The following PALM2AKAP2 variants were observed in gnomAD, a reference collection of about 807,000 sequenced individuals.
PALM2AKAP2 encodes PALM2 and AKAP2 fusion, also known as PALM2-AKAP2 fusion protein.
A neutral mutation model predicts 71.5 loss-of-function variants in PALM2AKAP2; 37 were observed. That is an observed-to-expected ratio of 0.52 (90% CI 0.40 to 0.68). PALM2AKAP2 has a LOEUF of 0.68. PALM2AKAP2 is among the 30% of genes least tolerant of loss of function. The probability of loss-of-function intolerance (pLI) is 0.00; values close to 1 mark genes in which losing one functional copy is unlikely to be tolerated. For synonymous variants in PALM2AKAP2, 468 were observed against 478.8 expected (o/e 0.98, Z 0.29); for missense variants, 1,224 against 1,191.8 (o/e 1.03, Z -0.40).
chr9:110,099,949 G>C (rs958440264), intron 1 of PALM2AKAP2, among the ~76,000 whole-genome samples: 1 of 151,038 alleles, frequency 6.6e-6, no homozygotes, highest in Non-Finnish European at 1.5e-5. Flanking sequence ...GAGAGCTGGA[G>C]GGGGAGGGGG....
At chr9:109,688,123 T>C (rs750361418) in intron 1 of PALM2AKAP2, among the ~76,000 whole-genome samples, 5 of 152,180 alleles carry the variant, frequency 3.3e-5, no homozygotes, top group South Asian at 2.1e-4. Flanking sequence ...ATGATAATGA[T>C]GAAAAAGTTG....
intron 1 of PALM2AKAP2, among the ~76,000 whole-genome samples, chr9:110,080,089 A>G (rs1834415324): frequency 6.6e-6 from 1 of 151,606 alleles, no homozygotes; most frequent in African/African-American, 2.4e-5. Context: ...AAAAAAAAAA[A>G]AAAAAATAGA....
At position 109,791,967 on chromosome 9, in the gene PALM2AKAP2, C is replaced by G. The variant is rs530369205; in HGVS notation, c.45+11434C>G. The stretch of plus-strand genomic sequence containing the variant: ...CTGTCTCAATGACCCTCCCCCTCTA[C>G]CCCCAGCCTGGGCCACCAGTTTTCC... On this transcript the variant is annotated intron_variant, in intron 1 of 9. Transcript: ENST00000302798. 1.4e-4 allele frequency among the ~76,000 whole-genome samples: 22 copies of G among 152,274 alleles called. No individual in the cohort carries two copies. In the East Asian group the frequency reaches 4.2e-3, roughly 29 times the overall value.
intron 1 of PALM2AKAP2, among the ~76,000 whole-genome samples, chr9:109,723,064 A>T (rs1480331433): frequency 1.3e-5 from 2 of 151,992 alleles, no homozygotes; most frequent in Non-Finnish European, 2.9e-5. Context: ...TATACTCTCA[A>T]CTTAGCCTTT....
Position 110,003,630 on chromosome 9 carries a change from T to A in PALM2AKAP2, c.497-12324T>A, listed in dbSNP as rs534995422. 4.3e-4 allele frequency among the ~76,000 whole-genome samples: 66 copies of A among 152,164 alleles called. 1 individual carries two copies. Among genetic ancestry groups the A allele is most frequent in the Middle Eastern group, 3.4e-3 (1 of 294 alleles). On this transcript the variant is annotated intron_variant, in intron 6 of 9. Transcript: ENST00000302798. Reference sequence around the variant, plus strand: ...GATCTGTCTAATGTTGACAGTGGGGTGTTAAATCTCCCATTATTATTGTGT... The same window carrying A: ...GATCTGTCTAATGTTGACAGTGGGGAGTTAAATCTCCCATTATTATTGTGT...
At chr9:109,961,425 A>G (rs576681222) in intron 6 of PALM2AKAP2, among the ~76,000 whole-genome samples, 2 of 152,366 alleles carry the variant, frequency 1.3e-5, no homozygotes, top group South Asian at 2.1e-4. Flanking sequence ...AGCTGGGATC[A>G]TGGAGCAGAA....
chr9:109,656,451 A>G (rs986259466), intron 1 of PALM2AKAP2, among the ~76,000 whole-genome samples: 1 of 152,196 alleles, frequency 6.6e-6, no homozygotes. Flanking sequence ...ACACATTACT[A>G]GGTCCCTTCC....
intron 1 of PALM2AKAP2, among the ~76,000 whole-genome samples, chr9:109,834,464 A>G (rs966014641): frequency 2.0e-5 from 3 of 152,182 alleles, no homozygotes; most frequent in African/African-American, 7.2e-5. Context: ...GTAGGTAAAT[A>G]TGATGGCACT....
intron 1 of PALM2AKAP2, among the ~76,000 whole-genome samples, chr9:109,822,158 G>T (rs1439711543): frequency 6.6e-6 from 1 of 152,212 alleles, no homozygotes; most frequent in African/African-American, 2.4e-5. Flanking sequence ...GGGCACAGGG[G>T]TGCCCCACAG....
chr9:109,891,916 T>C (rs1305746188), intron 3 of PALM2AKAP2, among the ~76,000 whole-genome samples: 3 of 152,198 alleles, frequency 2.0e-5, no homozygotes, highest in African/African-American at 7.2e-5. Flanking sequence ...GGATGGAGGG[T>C]GAAGACAATG....
intron 1 of PALM2AKAP2, among the ~76,000 whole-genome samples, chr9:109,742,922 G>A (rs74998098): frequency 0.043 from 6,492 of 152,256 alleles, 188 homozygotes; most frequent in Non-Finnish European, 0.053. Context: ...CAGACAGCCT[G>A]TTGCCAAGAC....
chr9:109,773,033 G>A (rs892288117), intron 1 of PALM2AKAP2, among the ~76,000 whole-genome samples: 6 of 152,206 alleles, frequency 3.9e-5, no homozygotes, highest in African/African-American at 1.2e-4. Context: ...CCGGAGAATG[G>A]CGTGAACCTG....
intron 1 of PALM2AKAP2, among the ~76,000 whole-genome samples, chr9:109,804,920 G>A (rs958081443): frequency 2.0e-5 from 3 of 152,024 alleles, no homozygotes; most frequent in African/African-American, 7.2e-5. Flanking sequence ...CACATGTAGG[G>A]AATTTTTTTG....
At chr9:109,729,401 G>A (rs1168979733) in intron 1 of PALM2AKAP2, among the ~76,000 whole-genome samples, 3 of 152,290 alleles carry the variant, frequency 2.0e-5, no homozygotes, top group African/African-American at 7.2e-5. Flanking sequence ...GGCCAGTATA[G>A]CCAAAGGCAT....
chr9:109,903,061 T>C (rs1830364500), intron 3 of PALM2AKAP2, among the ~76,000 whole-genome samples: 1 of 152,014 alleles, frequency 6.6e-6, no homozygotes, highest in African/African-American at 2.4e-5. Flanking sequence ...GAGCCAGATA[T>C]CACTCCTGGC....
intron 1 of PALM2AKAP2, among the ~76,000 whole-genome samples, chr9:110,114,493 A>C (rs181147866): frequency 6.6e-6 from 1 of 152,296 alleles, no homozygotes; most frequent in East Asian, 1.9e-4. Context: ...TTCAGTACTT[A>C]TTATACCCAT....
chr9:109,959,855 T>G (rs1031923811), intron 6 of PALM2AKAP2, among the ~76,000 whole-genome samples: 3 of 151,998 alleles, frequency 2.0e-5, no homozygotes, highest in Non-Finnish European at 2.9e-5. Context: ...TTTGGATAAT[T>G]TCCTGAGGCA....
intron 1 of PALM2AKAP2, among the ~76,000 whole-genome samples, chr9:109,705,695 A>G (rs1828132795): frequency 6.6e-6 from 1 of 152,240 alleles, no homozygotes; most frequent in South Asian, 2.1e-4. Flanking sequence ...TTTTCCAAAG[A>G]TAGCATAGTG....
chr9:109,821,553 G>C (rs1315301993), intron 1 of PALM2AKAP2, among the ~76,000 whole-genome samples: 1 of 152,170 alleles, frequency 6.6e-6, no homozygotes, highest in Non-Finnish European at 1.5e-5. Flanking sequence ...TTCTGTGTTA[G>C]AGAATATTTG....
Sources: allele counts gnomAD v4.1 joint callset (sites outside exome capture counted in the v4.1 genomes callset), GRCh38; gene constraint gnomAD v4.1.1; transcripts MANE v1.5; gene names NCBI Gene and HGNC (gene_info 2026-07-23, HGNC 2026-07-21).